The following OAS2 variants were observed in gnomAD, a reference collection of about 807,000 sequenced individuals.
OAS2 encodes 2'-5'-oligoadenylate synthase 2.
Under a neutral mutation model 71.3 loss-of-function variants are expected in OAS2, and 67 were observed. The ratio of observed to expected loss-of-function variants is 0.94; its 90% CI spans 0.77 to 1.15. The LOEUF (loss-of-function observed/expected upper bound fraction) is 1.15. Ranked by LOEUF, OAS2 falls within the 50% of genes most tolerant of loss-of-function variation. The pLI is 0.00. For synonymous variants in OAS2, 327 were observed against 321.8 expected, an observed-to-expected ratio of 1.02 and a Z score of -0.17; for missense variants, 789 against 822.5, an observed-to-expected ratio of 0.96 and a Z score of 0.50.
intron 2 of OAS2, among the ~76,000 whole-genome samples, chr12:112,994,385 T>A: frequency 6.6e-6 from 1 of 152,230 alleles, no homozygotes; most frequent in Non-Finnish European, 1.5e-5. Flanking sequence ...CCCCTGGTGT[T>A]TCAGTAACAG....
rs944802306 is a variant in OAS2 at position 112,994,607 on chromosome 12, A to C, written c.449-689A>C. On this transcript the variant is annotated intron_variant, in intron 2 of 9. Coordinates refer to ENST00000392583, the MANE Select transcript of OAS2 (RefSeq NM_002535.3). ...CAGCTAATTTTTGTATTTTTAGTAC[A>C]GACGGGGTTTCATCATGTTGGCCAG... 5.9e-5 allele frequency among the ~76,000 whole-genome samples: 9 copies of C among 152,280 alleles called. 1 individual carries two copies. The South Asian group carries it at 1.7e-3, about 28-fold the overall frequency.
intron 1 of OAS2, among the ~76,000 whole-genome samples, chr12:112,984,479 T>C (rs2044114179): frequency 6.6e-6 from 1 of 152,220 alleles, no homozygotes; most frequent in South Asian, 2.1e-4. Flanking sequence ...AGTGAGTTTA[T>C]TGGAGGCAGC....
At chr12:112,990,338 C>G (rs911799196) in intron 2 of OAS2, among the ~76,000 whole-genome samples, 6 of 152,128 alleles carry the variant, frequency 3.9e-5, no homozygotes, top group African/African-American at 1.4e-4. Context: ...ATTGATTCAG[C>G]CTGGAAAGGC....
intron 1 of OAS2, 32 bp from the exon 2 acceptor site, chr12:112,987,006 G>C (rs1302387520): frequency 6.3e-7 from 1 of 1,575,340 alleles, no homozygotes. Context: ...CCAGAATCTA[G>C]TGTCTCATAT....
At position 112,995,539 on chromosome 12, in the gene OAS2, C is replaced by A; in HGVS notation, c.627+65C>A. The A allele has an allele frequency of 2.8e-6, 4 of 1,437,548 alleles. No individual in the cohort carries two copies. In the East Asian group the frequency reaches 9.2e-5, roughly 33 times the overall value. The allele number at this position is 1,437,548 out of a possible 1,614,324, so 89.0% of individuals were successfully genotyped here. On this transcript the variant is annotated intron_variant, in intron 3 of 9. Coordinates refer to ENST00000392583, the MANE Select transcript of OAS2 (RefSeq NM_002535.3). ...CCTTTTTATCGAGATAATTGACATC[C>A]AGTAAAGTGCAACAATCTTAGGTAT...
chr12:112,993,048 AATT>A (rs1471130236), intron 2 of OAS2, among the ~76,000 whole-genome samples: 4 of 152,130 alleles, frequency 2.6e-5, no homozygotes, highest in African/African-American at 9.7e-5. Context: ...GCACATTCCA[AATT>A]ATTATAAGCT....
intron 2 of OAS2, among the ~76,000 whole-genome samples, chr12:112,995,027 C>T (rs2044222105): frequency 6.6e-6 from 1 of 152,192 alleles, no homozygotes; most frequent in Non-Finnish European, 1.5e-5. Context: ...TTTATAATTC[C>T]ATCTCTTGTC....
Position 112,986,894 on chromosome 12 carries a change from G to T in OAS2, c.178-144G>T. The T allele has an allele frequency of 3.7e-6, 4 of 1,089,016 alleles. No individual in the cohort carries two copies. The South Asian group carries it at 6.4e-5, about 17-fold the overall frequency. The allele number at this position is 1,089,016 out of a possible 1,614,324, so 67.5% of individuals were successfully genotyped here. ...GTGTTACTATGAGCATCCCAATCAG[G>T]TCTTTGTGGGGCAAATGGATGCCTG... is the stretch of plus-strand genomic sequence containing the variant. On this transcript the variant is annotated intron_variant, in intron 1 of 9. Coordinates refer to ENST00000392583, the MANE Select transcript of OAS2 (RefSeq NM_002535.3).
rs370123050 is a variant in OAS2, at chr12:112,998,284, A to G, written c.882A>G (p.Pro294=). 11 of 1,613,114 alleles carry G rather than the reference A, an allele frequency of 6.8e-6. No individual in the cohort carries two copies. The highest frequency in any genetic ancestry group is 1.3e-5 in the African/African-American group (1 of 74,828). ...LQSARPVILD[P]VDPTNNVSGD... ...TACACAGGCCAGTAATCTTGGATCC[A>G]GTTGACCCAACCAATAATGTGAGTG... is the stretch of plus-strand genomic sequence containing the variant. The change falls in exon 5 of 10, where the codon CCA becomes CCG. Residue 294 remains proline (P), a synonymous_variant. Coordinates refer to ENST00000392583, the MANE Select transcript of OAS2 (RefSeq NM_002535.3).
At chr12:112,984,504 T>C (rs2044114358) in intron 1 of OAS2, among the ~76,000 whole-genome samples, 1 of 152,236 alleles carries the variant, frequency 6.6e-6, no homozygotes, top group South Asian at 2.1e-4. Flanking sequence ...AGTTGGACCT[T>C]ATTTTTTATC....
At chr12:113,000,809 G>C (rs1046057150) in intron 5 of OAS2, among the ~76,000 whole-genome samples, 2 of 152,212 alleles carry the variant, frequency 1.3e-5, no homozygotes, top group African/African-American at 4.8e-5. Context: ...GGAAGGGGCA[G>C]TGTTGGCAAT....
At chr12:112,999,163 C>CG (rs772118253) in intron 5 of OAS2, among the ~76,000 whole-genome samples, 29 of 152,296 alleles carry the variant, frequency 1.9e-4, no homozygotes, top group Non-Finnish European at 3.7e-4. Context: ...AGGCAGGTGC[C>CG]GGGGGCAACA....
intron 3 of OAS2, 120 bp downstream of exon 3, chr12:112,995,594 C>A: frequency 1.1e-6 from 1 of 918,972 alleles, no homozygotes; most frequent in South Asian, 1.7e-5. Flanking sequence ...ACAATCTTAC[C>A]AGCAACACCC....
chr12:113,005,420 T>TAC (rs2044323194), intron 7 of OAS2, among the ~76,000 whole-genome samples, 198 bp downstream of exon 7: 1 of 151,572 alleles, frequency 6.6e-6, no homozygotes, highest in South Asian at 2.1e-4. Flanking sequence ...CATGGGGCTG[T>TAC]GTGCCTATAA....
intron 2 of OAS2, 98 bp downstream of exon 2, chr12:112,987,406 T>C: frequency 6.6e-7 from 1 of 1,516,970 alleles, no homozygotes. Context: ...ATACCACTGC[T>C]GCTTTAAAAA....
At chr12:112,986,351 G>A (rs2044135360) in intron 1 of OAS2, among the ~76,000 whole-genome samples, 1 of 152,220 alleles carries the variant, frequency 6.6e-6, no homozygotes, top group African/African-American at 2.4e-5. Flanking sequence ...GGTAGCAGCA[G>A]TGGACTGAAC....
At chr12:113,000,480 A>G (rs952640100) in intron 5 of OAS2, among the ~76,000 whole-genome samples, 1 of 111,424 alleles carries the variant, frequency 9.0e-6, no homozygotes, top group Non-Finnish European at 1.8e-5. Context: ...TCATGCACAC[A>G]TACACACACA....
At chr12:112,987,967 T>C (rs1362272414) in intron 2 of OAS2, 1 of 985,284 alleles carries the variant, frequency 1.0e-6, no homozygotes, top group Non-Finnish European at 1.2e-6. Flanking sequence ...AGGCTTCTGG[T>C]TTAATAAAAG....
Position 113,009,429 on chromosome 12 carries a change from C to G in OAS2, c.*174C>G, listed in dbSNP as rs2044361779. The stretch of plus-strand genomic sequence containing the variant: ...CAAGTGATCCTCAGGCAGGTAACCC[C>G]AGATTCATGCACTGTAGGGTGCTGC... On this transcript the variant is annotated 3_prime_UTR_variant, in exon 10 of 10. Coordinates refer to ENST00000392583, the MANE Select transcript of OAS2 (RefSeq NM_002535.3). 4.9e-6 allele frequency: 7 copies of G among 1,441,992 alleles called. No homozygotes were observed. In the South Asian group the frequency reaches 1.0e-4, roughly 21 times the overall value. The allele number at this position is 1,441,992 out of a possible 1,614,324, so 89.3% of individuals were successfully genotyped here.
Sources: gnomAD v4.1 joint callset for allele counts (sites outside exome capture counted in the v4.1 genomes callset) on GRCh38, gnomAD v4.1.1 for gene constraint, MANE v1.5 for transcripts, NCBI Gene and HGNC (gene_info 2026-07-23, HGNC 2026-07-21) for gene names.